Variants in BMPR1A observed in about 807,000 individuals in gnomAD.
BMPR1A encodes bone morphogenetic protein receptor type-1A.
A neutral mutation model predicts 66.0 loss-of-function variants in BMPR1A; 7 were observed. The ratio of observed to expected loss-of-function variants is 0.11; its 90% confidence interval spans 0.06 to 0.20. BMPR1A has a LOEUF of 0.20. Ranked by LOEUF, BMPR1A falls within the 10% of genes least tolerant of loss-of-function variation. The pLI is 1.00. For synonymous variants in BMPR1A, 200 were observed against 229.7 expected, an observed-to-expected ratio of 0.87 and a Z score of 1.17; for missense variants, 408 against 669.1, an observed-to-expected ratio of 0.61 and a Z score of 4.31.
chr10:86,921,736 T>G lies in BMPR1A; in HGVS notation c.1342+41T>G, dbSNP rs1173711293. 5.0e-6 allele frequency: 8 copies of G among 1,613,338 alleles called. No individual in the cohort carries two copies. The Middle Eastern group carries it at 5.0e-4, about 100-fold the overall frequency. On this transcript the variant is annotated intron_variant, in intron 11 of 12. Transcript: ENST00000372037. ...GTTTCTGATTATGTTGATTTACTCA[T>G]CATTTTAAAAATAACAGCTCCAGTT...
At chr10:86,850,646 T>G (rs1842553606) in intron 2 of BMPR1A, among the ~76,000 whole-genome samples, 1 of 152,146 alleles carries the variant, frequency 6.6e-6, no homozygotes, top group South Asian at 2.1e-4. Context: ...GTTGTTGTTG[T>G]TTTGAGACAG....
chr10:86,844,173 A>G (rs189170469), intron 2 of BMPR1A, among the ~76,000 whole-genome samples: 2 of 152,286 alleles, frequency 1.3e-5, no homozygotes, highest in East Asian at 1.9e-4. Flanking sequence ...TTTTTTTGGC[A>G]TTATTTTTCC....
At chr10:86,763,657 C>T (rs1303137005) in intron 1 of BMPR1A, among the ~76,000 whole-genome samples, 12 of 152,052 alleles carry the variant, frequency 7.9e-5, no homozygotes, top group Admixed American at 6.6e-4. Flanking sequence ...GTGCCCTTCC[C>T]GTATCCTGCT....
At chr10:86,859,784 T>G (rs1285425756) in intron 2 of BMPR1A, among the ~76,000 whole-genome samples, 1 of 152,110 alleles carries the variant, frequency 6.6e-6, no homozygotes, top group Non-Finnish European at 1.5e-5. Flanking sequence ...CACTCCAGCC[T>G]GGGCGACAGA....
chr10:86,775,047 G>C (rs1362689743), intron 1 of BMPR1A, among the ~76,000 whole-genome samples: 22 of 152,140 alleles, frequency 1.4e-4, no homozygotes, highest in Admixed American at 1.4e-3. Flanking sequence ...CCCAGCCAAT[G>C]GACTAAGAGA....
chr10:86,784,303 A>G (rs1200094546), intron 1 of BMPR1A, among the ~76,000 whole-genome samples: 1 of 152,046 alleles, frequency 6.6e-6, no homozygotes, highest in African/African-American at 2.4e-5. Context: ...GAGTGTTTTT[A>G]TCATGAAAGG....
At chr10:86,799,632 ACCTCTG>A (rs898853982) in intron 1 of BMPR1A, among the ~76,000 whole-genome samples, 5 of 150,162 alleles carry the variant, frequency 3.3e-5, no homozygotes, top group African/African-American at 1.2e-4. Context: ...GATCACTGCA[ACCTCTG>A]CCTCTTGGGC....
Position 86,911,433 on chromosome 10 carries a change from A to G in BMPR1A, c.531-807A>G, listed in dbSNP as rs982462896. ...GGAGAAGAGTTCAGGGAACACTTCA[A>G]TTGAATAATGTGCAATAAACACAAA... On this transcript the variant is annotated intron_variant, in intron 7 of 12. Transcript: ENST00000372037. Among the ~76,000 whole-genome samples, 9 of 152,292 alleles carry G rather than the reference A, an allele frequency of 5.9e-5. No homozygotes were observed. The East Asian group carries it at 1.4e-3, about 23-fold the overall frequency.
chr10:86,837,247 C>CTGTGTGTCTGTG (rs1842363956), intron 1 of BMPR1A, among the ~76,000 whole-genome samples: 2 of 138,106 alleles, frequency 1.4e-5, no homozygotes, highest in African/African-American at 5.5e-5. Flanking sequence ...GTGTGTGTGT[C>CTGTGTGTCTGTG]TGTGTGTGTG....
At chr10:86,813,540 C>A (rs538046694) in intron 1 of BMPR1A, among the ~76,000 whole-genome samples, 1 of 152,130 alleles carries the variant, frequency 6.6e-6, no homozygotes, top group African/African-American at 2.4e-5. Flanking sequence ...GATAATTACT[C>A]GTTTATTTTG....
At chr10:86,893,468 T>C (rs991535893) in intron 5 of BMPR1A, among the ~76,000 whole-genome samples, 2 of 152,208 alleles carry the variant, frequency 1.3e-5, no homozygotes, top group Non-Finnish European at 2.9e-5. Context: ...TCAGCTATGT[T>C]AGAAAATTGT....
chr10:86,925,712 A>ATTC lies in BMPR1A; in HGVS notation c.*1995_*1996insCTT. 1 of 152,266 alleles carries ATTC rather than the reference A, an allele frequency of 6.6e-6. No homozygotes were observed. The highest frequency in any genetic ancestry group is 2.5e-4 in the South Asian group (1 of 4,068). 9.4% of individuals were successfully genotyped at this position (152,266 alleles called of 1,614,324 possible). A position where few individuals can be genotyped will look rare whatever the true frequency, so the allele number is the denominator to read the frequency against. On this transcript the variant is annotated 3_prime_UTR_variant, in exon 13 of 13. Transcript: ENST00000372037. ...ACTTGATACCATAATCTTTAAAATC[A>ATTC]TTTGTCATCTTTTTTTTTTTTTTTT...
At chr10:86,764,690 C>T (rs1217479087) in intron 1 of BMPR1A, among the ~76,000 whole-genome samples, 2 of 152,140 alleles carry the variant, frequency 1.3e-5, no homozygotes, top group Non-Finnish European at 2.9e-5. Context: ...GCCTAAGTCA[C>T]GTAAATATCC....
chr10:86,909,000 G>T (rs186751642), intron 7 of BMPR1A, among the ~76,000 whole-genome samples: 41 of 152,274 alleles, frequency 2.7e-4, no homozygotes, highest in Admixed American at 3.3e-4. Context: ...CAAAGTAATG[G>T]ATCTTTGCCT....
chr10:86,780,029 C>T (rs1308573528), intron 1 of BMPR1A, among the ~76,000 whole-genome samples: 1 of 152,196 alleles, frequency 6.6e-6, no homozygotes, highest in Non-Finnish European at 1.5e-5. Flanking sequence ...CCTTGGCCTC[C>T]CGAACGCTGG....
chr10:86,799,066 A>G (rs1047893140), intron 1 of BMPR1A, among the ~76,000 whole-genome samples: 1 of 152,242 alleles, frequency 6.6e-6, no homozygotes, highest in African/African-American at 2.4e-5. Flanking sequence ...AAGGGATGTC[A>G]GGGAACATTA....
rs1301409171 is a variant in BMPR1A at position 86,925,208 on chromosome 10, ATC to A, written c.*1491_*1492del. The A allele has an allele frequency of 8.7e-6, 2 of 229,988 alleles. No homozygotes were observed. The highest frequency in any genetic ancestry group is 4.4e-5 in the African/African-American group (2 of 45,194). 14.2% of individuals were successfully genotyped at this position (229,988 alleles called of 1,614,324 possible). On this transcript the variant is annotated 3_prime_UTR_variant, in exon 13 of 13. Transcript: ENST00000372037. ...TATAGATGCCTTGTTATCTCAAGAA[ATC>A]TGATTTACATAAACTTATACTTCTT...
intron 3 of BMPR1A, among the ~76,000 whole-genome samples, chr10:86,878,763 C>T (rs1842951124): frequency 6.6e-6 from 1 of 152,142 alleles, no homozygotes; most frequent in African/African-American, 2.4e-5. Context: ...TTCCTAATAG[C>T]AAGAGCTACT....
intron 9 of BMPR1A, among the ~76,000 whole-genome samples, chr10:86,918,397 G>T (rs981778397): frequency 2.6e-5 from 4 of 152,088 alleles, no homozygotes; most frequent in Non-Finnish European, 5.9e-5. Flanking sequence ...TGTGGGCCTG[G>T]CAGTCAACGA....
Sources: gnomAD v4.1 joint callset for allele counts (sites outside exome capture counted in the v4.1 genomes callset) on GRCh38, gnomAD v4.1.1 for gene constraint, MANE v1.5 for transcripts, NCBI Gene and HGNC (gene_info 2026-07-23, HGNC 2026-07-21) for gene names.